Variants in SPARCL1 observed in about 807,000 individuals in gnomAD.
The protein encoded by SPARCL1 is SPARC like 1, also known as SPARC-like protein 1.
In SPARCL1, 52 loss-of-function variants were observed where a neutral mutation model predicts 67.1. That is an observed-to-expected ratio of 0.78 (90% CI 0.62 to 0.98). The LOEUF is 0.98. Among genes scored for constraint, SPARCL1 ranks in the 50% least tolerant of loss-of-function variants. The pLI is 0.00. For missense variants in SPARCL1, 717 were observed against 782.4 expected, an observed-to-expected ratio of 0.92 and a Z score of 1.00; for synonymous variants, 226 against 267.8, an observed-to-expected ratio of 0.84 and a Z score of 1.52.
At chr4:87,473,890 A>G (rs1723453002) in intron 10 of SPARCL1, 87 bp from the exon 11 acceptor site, 3 of 885,756 alleles carry the variant, frequency 3.4e-6, no homozygotes, top group Non-Finnish European at 5.5e-6. Context: ...GGATTAGAGA[A>G]ACCATCTAAT....
intron 1 of SPARCL1, among the ~76,000 whole-genome samples, 179 bp from the exon 2 acceptor site, chr4:87,499,764 C>T (rs764853275): frequency 3.3e-5 from 5 of 152,132 alleles, no homozygotes; most frequent in Non-Finnish European, 7.3e-5. Context: ...CGATTGTGTA[C>T]CTGTGAAAAT....
At chr4:87,481,592 T>C (rs781502772) in intron 8 of SPARCL1, among the ~76,000 whole-genome samples, 5 of 152,120 alleles carry the variant, frequency 3.3e-5, no homozygotes, top group Admixed American at 6.5e-5. Context: ...CCCTGGCCAA[T>C]TCTCAGTCTT....
At chr4:87,520,371 G>C (rs1350841612) in intron 1 of SPARCL1, among the ~76,000 whole-genome samples, 1 of 151,758 alleles carries the variant, frequency 6.6e-6, no homozygotes. Flanking sequence ...CATCTTGCCG[G>C]AAAAAAAAGT....
intron 1 of SPARCL1, among the ~76,000 whole-genome samples, chr4:87,504,179 GT>G (rs1724977986): frequency 8.1e-6 from 1 of 123,646 alleles, no homozygotes; most frequent in African/African-American, 3.3e-5. Context: ...GTGTGTGTGT[GT>G]GTGGTGGGGT....
intron 1 of SPARCL1, among the ~76,000 whole-genome samples, chr4:87,513,255 T>C (rs1725447106): frequency 6.6e-6 from 1 of 152,228 alleles, no homozygotes; most frequent in South Asian, 2.1e-4. Flanking sequence ...GGGACAGAAT[T>C]TTTAAATGTA....
intron 1 of SPARCL1, among the ~76,000 whole-genome samples, chr4:87,509,641 A>G (rs1424198097): frequency 6.6e-6 from 1 of 152,192 alleles, no homozygotes; most frequent in Non-Finnish European, 1.5e-5. Context: ...TAGGCTGTCA[A>G]TAGGGGAAGT....
At chr4:87,488,441 T>C (rs912089422) in intron 7 of SPARCL1, among the ~76,000 whole-genome samples, 3 of 152,166 alleles carry the variant, frequency 2.0e-5, no homozygotes, top group Non-Finnish European at 2.9e-5. Context: ...ACAGCAAACA[T>C]TGCTGCCTGT....
intron 7 of SPARCL1, among the ~76,000 whole-genome samples, chr4:87,487,664 C>T (rs1304021733): frequency 1.3e-5 from 2 of 152,196 alleles, no homozygotes; most frequent in East Asian, 3.8e-4. Context: ...AGGAAGTTCT[C>T]CTGGATAATA....
intron 1 of SPARCL1, among the ~76,000 whole-genome samples, chr4:87,518,856 G>A (rs751088151): frequency 6.6e-6 from 1 of 152,170 alleles, no homozygotes; most frequent in Non-Finnish European, 1.5e-5. Context: ...CCTTGATTTA[G>A]AGAGAATTAG....
intron 10 of SPARCL1, among the ~76,000 whole-genome samples, chr4:87,474,904 G>A (rs538544778): frequency 2.2e-4 from 33 of 151,980 alleles, no homozygotes; most frequent in African/African-American, 4.3e-4. Flanking sequence ...CACCACGCCC[G>A]GCTAATTTTT....
At position 87,491,581 on chromosome 4, in the gene SPARCL1, G is replaced by T. The variant is rs554728082; in HGVS notation, c.1291+37C>A. Reference sequence around the variant, plus strand: ...AAGTGGCAGATTCCATTTCTTCCTTGATATAGTCACAAACAGCTTGCTTCA... The same window carrying T: ...AAGTGGCAGATTCCATTTCTTCCTTTATATAGTCACAAACAGCTTGCTTCA... On this transcript the variant is annotated intron_variant, in intron 5 of 10. Coordinates refer to ENST00000282470, the MANE Select transcript of SPARCL1 (RefSeq NM_004684.6). The T allele has an allele frequency of 2.0e-6, 3 of 1,525,136 alleles. No homozygotes were observed. The South Asian group carries it at 3.4e-5, about 17-fold the overall frequency. The allele number at this position is 1,525,136 out of a possible 1,614,324, so 94.5% of individuals were successfully genotyped here.
At chr4:87,522,471 G>A (rs1034761977) in intron 1 of SPARCL1, among the ~76,000 whole-genome samples, 3 of 151,818 alleles carry the variant, frequency 2.0e-5, no homozygotes, top group Non-Finnish European at 2.9e-5. Flanking sequence ...AGGGAAGGGA[G>A]TATTATGGAG....
chr4:87,488,640 C>A (rs1404043709), intron 7 of SPARCL1, among the ~76,000 whole-genome samples: 1 of 152,224 alleles, frequency 6.6e-6, no homozygotes, highest in Non-Finnish European at 1.5e-5. Flanking sequence ...AGATCTGCTG[C>A]TCTCTTCAGA....
chr4:87,474,273 T>C (rs1168349560), intron 10 of SPARCL1, among the ~76,000 whole-genome samples: 1 of 152,208 alleles, frequency 6.6e-6, no homozygotes, highest in East Asian at 1.9e-4. Context: ...CTAGCAAATA[T>C]AAGATCACTC....
chr4:87,484,325 T>C (rs1317252602), intron 7 of SPARCL1, among the ~76,000 whole-genome samples: 1 of 151,416 alleles, frequency 6.6e-6, no homozygotes, highest in Non-Finnish European at 1.5e-5. Flanking sequence ...CCCAGCACCA[T>C]TTATTAAATA....
intron 1 of SPARCL1, among the ~76,000 whole-genome samples, chr4:87,511,684 G>A (rs1324606684): frequency 6.6e-6 from 1 of 152,110 alleles, no homozygotes; most frequent in African/African-American, 2.4e-5. Flanking sequence ...AGCAAACAAG[G>A]TCAGGAAATT....
chr4:87,510,826 A>G lies in SPARCL1; in HGVS notation c.-11-11241T>C, dbSNP rs574040837. On this transcript the variant is annotated intron_variant, in intron 1 of 10. Transcript: ENST00000282470. ...ATGAGGCAAAGGGCTCACTGAGCTG[A>G]TAACACACTGCTGTCTGCGGACGGT... Among the ~76,000 whole-genome samples the G allele has an allele frequency of 4.1e-4, 63 of 152,354 alleles. 1 individual carries two copies. The highest frequency in any genetic ancestry group is 7.8e-4 in the Non-Finnish European group (53 of 68,028).
intron 1 of SPARCL1, among the ~76,000 whole-genome samples, chr4:87,504,185 T>TGTGTGTGG (rs1553970328): frequency 5.2e-5 from 1 of 19,066 alleles, no homozygotes; most frequent in Non-Finnish European, 8.6e-5. Context: ...GTGTGTGTGG[T>TGTGTGTGG]GGGGTGGGGG....
At chr4:87,486,634 T>C (rs896610795) in intron 7 of SPARCL1, among the ~76,000 whole-genome samples, 7 of 152,254 alleles carry the variant, frequency 4.6e-5, no homozygotes, top group African/African-American at 1.7e-4. Context: ...TCTGTCTTGT[T>C]GATCTGTCTA....
Sources: allele counts gnomAD v4.1 joint callset (sites outside exome capture counted in the v4.1 genomes callset), GRCh38; gene constraint gnomAD v4.1.1; transcripts MANE v1.5; gene names NCBI Gene and HGNC (gene_info 2026-07-23, HGNC 2026-07-21).